The following DCDC2 variants were observed in gnomAD, a reference collection of about 807,000 sequenced individuals.
The protein encoded by DCDC2 is doublecortin domain containing 2.
A neutral mutation model predicts 50.2 loss-of-function variants in DCDC2; 40 were observed. The observed-to-expected ratio is 0.80, with a 90% CI of 0.62 to 1.04. The LOEUF is 1.04. DCDC2 is among the 50% of genes least tolerant of loss of function. DCDC2 has a pLI of 0.00. For synonymous variants in DCDC2, 234 were observed against 210.6 expected, an observed-to-expected ratio of 1.11 and a Z score of -0.96; for missense variants, 570 against 581.9, an observed-to-expected ratio of 0.98 and a Z score of 0.21.
At chr6:24,370,286 A>G in the DCDC2 span, among the ~76,000 whole-genome samples, 2 of 152,186 alleles carry the variant, frequency 1.3e-5, no homozygotes, top group Admixed American at 1.3e-4. Context: ...ACCCTCATAC[A>G]TTACTGGTGG....
At chr6:24,346,152 T>TA (rs58725760) in intron 2 of DCDC2, among the ~76,000 whole-genome samples, 14,064 of 133,014 alleles carry the variant, frequency 0.11, 835 homozygotes, top group African/African-American at 0.18. Flanking sequence ...AGACTCTGTC[T>TA]AAAAAAAAAA....
chr6:24,318,485 T>C (rs892717614), intron 2 of DCDC2, among the ~76,000 whole-genome samples: 4 of 152,122 alleles, frequency 2.6e-5, no homozygotes, highest in Admixed American at 6.5e-5. Flanking sequence ...GTTTGGACTT[T>C]TAGTGTATCC....
chr6:24,178,636 A>T lies in DCDC2; in HGVS notation c.1024-4T>A. The stretch of plus-strand genomic sequence containing the variant: ...CGTCTACTATTTCTGCTGGCCTCTG[A>T]TGGATCAAAAGGAATAATGGATAAA... On this transcript the variant is annotated splice_region_variant and splice_polypyrimidine_tract_variant and intron_variant, in intron 8 of 9. Transcript: ENST00000378454. 2 of 1,609,870 alleles carry T rather than the reference A, an allele frequency of 1.2e-6. No homozygotes were observed. The highest frequency in any genetic ancestry group is 1.1e-5 in the South Asian group (1 of 90,632).
At chr6:24,303,195 T>C (rs923467045) in intron 2 of DCDC2, among the ~76,000 whole-genome samples, 1 of 152,026 alleles carries the variant, frequency 6.6e-6, no homozygotes, top group Non-Finnish European at 1.5e-5. Flanking sequence ...TCATTATTCC[T>C]ATTCCGACTT....
Position 24,291,020 on chromosome 6 carries a change from A to T in DCDC2, c.616T>A (p.Phe206Ile). 6.2e-7 allele frequency: 1 copy of T among 1,614,026 alleles called. No homozygotes were observed. Among genetic ancestry groups the T allele is most frequent in the African/African-American group, 1.3e-5 (1 of 75,028 alleles). The part of the protein sequence containing the change: ...ESGAELENGQ[F>I]YVAVGRDKFK... ...TTATCTCTGCCAACAGCCACATAAA[A>T]CTGCCCATTCTCCAACTCTGCTCCA... The change falls in exon 5 of 10, where the codon TTT (phenylalanine) becomes ATT (isoleucine). Residue 206 changes from phenylalanine (F) to isoleucine (I), a missense_variant. Coordinates refer to ENST00000378454, the MANE Select transcript of DCDC2 (RefSeq NM_016356.5).
chr6:24,361,377 C>T (rs1043782554), upstream of DCDC2, among the ~76,000 whole-genome samples: 3 of 151,114 alleles, frequency 2.0e-5, no homozygotes, highest in East Asian at 1.9e-4. Context: ...CTCCGTGACA[C>T]GAGTTACCTA....
intron 7 of DCDC2, among the ~76,000 whole-genome samples, chr6:24,227,120 A>C (rs1762248543): frequency 6.6e-6 from 1 of 152,228 alleles, no homozygotes; most frequent in South Asian, 2.1e-4. Context: ...GAGTATGACA[A>C]AAACTAAAGG....
chr6:24,265,250 A>G (rs1339923932), intron 7 of DCDC2, among the ~76,000 whole-genome samples: 4 of 152,356 alleles, frequency 2.6e-5, no homozygotes, highest in African/African-American at 9.6e-5. Context: ...TACTCATCCA[A>G]TACTGAAGCA....
chr6:24,360,149 G>GT (rs1760642048), upstream of DCDC2, among the ~76,000 whole-genome samples: 2 of 152,244 alleles, frequency 1.3e-5, no homozygotes, highest in South Asian at 4.1e-4. Context: ...ATTTCCCGCT[G>GT]TTTCCATAGC....
At chr6:24,253,248 C>T (rs565134003) in intron 7 of DCDC2, among the ~76,000 whole-genome samples, 21 of 151,832 alleles carry the variant, frequency 1.4e-4, no homozygotes, top group African/African-American at 5.1e-4. Context: ...AAAAGCTAAA[C>T]TAATTATAAA....
chr6:24,289,937 G>A (rs1004636973), intron 5 of DCDC2, among the ~76,000 whole-genome samples: 2 of 138,996 alleles, frequency 1.4e-5, no homozygotes, highest in African/African-American at 5.1e-5. Flanking sequence ...CCATGAGCAA[G>A]CCGAGAGATC....
intron 2 of DCDC2, among the ~76,000 whole-genome samples, chr6:24,313,322 A>G (rs1434968650): frequency 2.0e-5 from 3 of 152,212 alleles, no homozygotes; most frequent in African/African-American, 4.8e-5. Context: ...AAAATAACCA[A>G]TTAACTCAAG....
rs1384378494 is a variant in DCDC2 at position 24,286,983 on chromosome 6, AC to A, written c.759+1868del. On this transcript the variant is annotated intron_variant, in intron 6 of 9. Coordinates refer to ENST00000378454, the MANE Select transcript of DCDC2 (RefSeq NM_016356.5). ...CCAAGATAGTTGCAACTGCCTTACA[AC>A]CATCGACTTATCTATGGCTTCTCAC... 4.6e-5 allele frequency among the ~76,000 whole-genome samples: 7 copies of A among 152,204 alleles called. No individual in the cohort carries two copies. The South Asian group carries it at 1.5e-3, about 32-fold the overall frequency.
rs761540134 is a variant in DCDC2 at position 24,205,110 on chromosome 6, GACAA to G, written c.923-12_923-9del. The G allele has an allele frequency of 1.2e-5, 19 of 1,613,998 alleles. No homozygotes were observed. In the African/African-American group the frequency reaches 1.9e-4, roughly 16 times the overall value. On this transcript the variant is annotated splice_polypyrimidine_tract_variant and intron_variant, in intron 7 of 9. Coordinates refer to ENST00000378454, the MANE Select transcript of DCDC2 (RefSeq NM_016356.5). Reference sequence around the variant, plus strand: ...CTTTGAAAATGCCTTCATCTATTGAGACAAACACACAGTGAAAATCAAAATCCAA... The same window carrying G: ...CTTTGAAAATGCCTTCATCTATTGAGACACACAGTGAAAATCAAAATCCAA...
chr6:24,381,922 AAG>A, the DCDC2 span, among the ~76,000 whole-genome samples: 7 of 143,890 alleles, frequency 4.9e-5, no homozygotes, highest in Admixed American at 4.3e-4. Context: ...AAAAGAGAGA[AAG>A]AGAAAGAAAG....
At chr6:24,375,489 G>GTA in the DCDC2 span, among the ~76,000 whole-genome samples, 98 of 151,942 alleles carry the variant, frequency 6.4e-4, 1 homozygote, top group African/African-American at 1.9e-3. Context: ...TAGGAGATAC[G>GTA]TATATATATA....
At chr6:24,345,146 T>C (rs1321084262) in intron 2 of DCDC2, among the ~76,000 whole-genome samples, 1 of 152,202 alleles carries the variant, frequency 6.6e-6, no homozygotes, top group Non-Finnish European at 1.5e-5. Flanking sequence ...GGTCTCAAAA[T>C]TCCCAAGCTA....
upstream of DCDC2, among the ~76,000 whole-genome samples, chr6:24,361,497 C>T (rs1760666081): frequency 6.6e-6 from 1 of 151,654 alleles, no homozygotes; most frequent in Non-Finnish European, 1.5e-5. Context: ...AGGAAATAGA[C>T]AAGGGAAATT....
At position 24,340,802 on chromosome 6, in the gene DCDC2, C is replaced by T. The variant is rs138085258; in HGVS notation, c.348+12767G>A. On this transcript the variant is annotated intron_variant, in intron 2 of 9. Transcript: ENST00000378454. ...GTGCAGTGGCAGGATCTTGGCTCAC[C>T]GCAACCTCCACCTCCCCGGCTCAAG... 3.4e-3 allele frequency among the ~76,000 whole-genome samples: 520 copies of T among 152,222 alleles called. 4 individuals are homozygous for T. Among genetic ancestry groups the T allele is most frequent in the African/African-American group, 0.012 (478 of 41,530 alleles).
Sources: allele counts gnomAD v4.1 joint callset (sites outside exome capture counted in the v4.1 genomes callset), GRCh38; gene constraint gnomAD v4.1.1; transcripts MANE v1.5; gene names NCBI Gene and HGNC (gene_info 2026-07-23, HGNC 2026-07-21).